Variants in EYA2 observed in about 807,000 individuals in gnomAD.
EYA2 encodes the protein protein phosphatase EYA2.
EYA2 carries 31 observed loss-of-function variants against 69.2 expected under a neutral mutation model. The observed-to-expected ratio is 0.45, with a 90% CI of 0.34 to 0.60. The LOEUF (loss-of-function observed/expected upper bound fraction) is 0.60, where lower values mean the gene tolerates loss of function less well. EYA2 is among the 20% of genes least tolerant of loss of function. EYA2 has a pLI of 0.02. For synonymous variants in EYA2, 257 were observed against 279.4 expected, an observed-to-expected ratio of 0.92 and a Z score of 0.80; for missense variants, 622 against 701.2, an observed-to-expected ratio of 0.89 and a Z score of 1.28.
chr20:47,074,140 T>G lies in EYA2; in HGVS notation c.484-18T>G. 6.3e-7 allele frequency: 1 copy of G among 1,580,514 alleles called. No homozygotes were observed. The highest frequency in any genetic ancestry group is 8.6e-7 in the Non-Finnish European group (1 of 1,158,126). On this transcript the variant is annotated intron_variant, in intron 6 of 15. Coordinates refer to ENST00000327619, the MANE Select transcript of EYA2 (RefSeq NM_005244.5). ...AGGCTTCCTCACATATGTCCTTGGT[T>G]TGTTTTTCTCTTCCCAGGACTATCC...
intron 1 of EYA2, among the ~76,000 whole-genome samples, chr20:46,896,584 T>C (rs888940653): frequency 6.6e-6 from 1 of 152,216 alleles, no homozygotes. Context: ...TTAGACACTC[T>C]CACACTTGGG....
At chr20:47,153,949 A>G (rs1233739350) in intron 10 of EYA2, among the ~76,000 whole-genome samples, 4 of 152,020 alleles carry the variant, frequency 2.6e-5, no homozygotes, top group African/African-American at 7.2e-5. Context: ...CACTCACTAC[A>G]TACCAGGCAC....
rs1485670550 is a variant in EYA2 at position 47,003,760 on chromosome 20, G to A, written c.156-1182G>A. On this transcript the variant is annotated intron_variant, in intron 3 of 15. Coordinates refer to ENST00000327619, the MANE Select transcript of EYA2 (RefSeq NM_005244.5). ...GACTTTATTTATTGCTATCTGCAGG[G>A]CTGGATGAATCCTAGTCCTGTGAGG... is the stretch of plus-strand genomic sequence containing the variant. Among the ~76,000 whole-genome samples the A allele has an allele frequency of 2.0e-5, 3 of 152,314 alleles. No homozygotes were observed. The East Asian group carries it at 5.8e-4, about 29-fold the overall frequency.
At chr20:46,923,711 G>T (rs1402437819) in intron 1 of EYA2, among the ~76,000 whole-genome samples, 4 of 151,458 alleles carry the variant, frequency 2.6e-5, no homozygotes, top group Non-Finnish European at 4.4e-5. Context: ...TGTGTGTGTG[G>T]AGAGAGAGAG....
intron 9 of EYA2, among the ~76,000 whole-genome samples, chr20:47,114,118 G>T (rs1173890055): frequency 2.0e-5 from 3 of 152,192 alleles, no homozygotes; most frequent in Admixed American, 1.3e-4. Context: ...TAAGACACCT[G>T]TTGGTGTGAT....
Position 47,074,105 on chromosome 20 carries a change from GA to G in EYA2, c.484-52del, listed in dbSNP as rs149082669. ...GAGTGGCCAGGCTGACCAACGGCCC[GA>G]GCCCAGAAAGGCTTCCTCACATATG... On this transcript the variant is annotated intron_variant, in intron 6 of 15. Coordinates refer to ENST00000327619, the MANE Select transcript of EYA2 (RefSeq NM_005244.5). 5.5e-4 allele frequency: 816 copies of G among 1,493,262 alleles called. 8 individuals carry two copies. The African/African-American group carries it at 0.01, about 19-fold the overall frequency. 92.5% of individuals were successfully genotyped at this position (1,493,262 alleles called of 1,614,324 possible). A position where few individuals can be genotyped will look rare whatever the true frequency, so the allele number is the denominator to read the frequency against.
intron 9 of EYA2, among the ~76,000 whole-genome samples, chr20:47,117,861 T>C (rs2032945566): frequency 6.6e-6 from 1 of 152,256 alleles, no homozygotes; most frequent in Non-Finnish European, 1.5e-5. Context: ...CTTTCCATCC[T>C]GTGACAAACA....
chr20:46,944,932 C>T (rs865948332), intron 1 of EYA2, among the ~76,000 whole-genome samples: 17 of 152,022 alleles, frequency 1.1e-4, no homozygotes, highest in Non-Finnish European at 7.4e-5. Context: ...GGCAAAACCC[C>T]GTCTCTACAA....
At chr20:47,010,676 CATAT>C (rs10626121) in intron 4 of EYA2, among the ~76,000 whole-genome samples, 4,892 of 148,920 alleles carry the variant, frequency 0.033, 206 homozygotes, top group African/African-American at 0.1. Flanking sequence ...TTTATATCTA[CATAT>C]ATATATGTGT....
chr20:47,013,733 T>TG (rs1983229272), intron 4 of EYA2, among the ~76,000 whole-genome samples: 2 of 152,110 alleles, frequency 1.3e-5, no homozygotes, highest in Non-Finnish European at 2.9e-5. Flanking sequence ...TGCAGGGCCT[T>TG]GGGGGTCACT....
chr20:47,057,734 C>T (rs143690226), intron 5 of EYA2, among the ~76,000 whole-genome samples: 35 of 152,322 alleles, frequency 2.3e-4, no homozygotes, highest in African/African-American at 7.0e-4. Context: ...CATGAGGCCT[C>T]CTTTGCACTG....
chr20:47,158,567 G>A (rs2034002861), intron 10 of EYA2, among the ~76,000 whole-genome samples: 1 of 151,704 alleles, frequency 6.6e-6, no homozygotes, highest in Non-Finnish European at 1.5e-5. Flanking sequence ...CTGAGCCCAG[G>A]AACGATGACA....
At chr20:46,976,247 TAGCCCTAGCTA>T (rs1418792639) in intron 1 of EYA2, among the ~76,000 whole-genome samples, 3 of 152,104 alleles carry the variant, frequency 2.0e-5, no homozygotes, top group Non-Finnish European at 4.4e-5. Context: ...TGCACACCTG[TAGCCCTAGCTA>T]CTCAGGAGGC....
chr20:46,969,710 C>T (rs967580943), intron 1 of EYA2, among the ~76,000 whole-genome samples: 4 of 152,144 alleles, frequency 2.6e-5, no homozygotes, highest in Non-Finnish European at 4.4e-5. Context: ...AGTTAATTCC[C>T]TTGGCTTGGT....
chr20:47,060,675 C>T (rs2030838536), intron 5 of EYA2, among the ~76,000 whole-genome samples: 1 of 152,228 alleles, frequency 6.6e-6, no homozygotes, highest in Non-Finnish European at 1.5e-5. Flanking sequence ...ACAGTCCCCA[C>T]CATCCCCTGT....
chr20:46,903,868 G>C (rs1393013376), intron 1 of EYA2, among the ~76,000 whole-genome samples: 5 of 152,110 alleles, frequency 3.3e-5, no homozygotes, highest in Admixed American at 3.3e-4. Context: ...TTTTCATAGT[G>C]CCATTGTGAG....
At position 47,031,368 on chromosome 20, in the gene EYA2, T is replaced by C. The variant is rs148065412; in HGVS notation, c.415+15071T>C. 2.5e-3 allele frequency among the ~76,000 whole-genome samples: 375 copies of C among 152,210 alleles called. 1 individual carries two copies. Among genetic ancestry groups the C allele is most frequent in the Middle Eastern group, 0.01 (3 of 294 alleles). ...TCTAAAACAGGGCAGGTGATCTGGT[T>C]TGCATCTCAGAAAGACCAGTTGACT... On this transcript the variant is annotated intron_variant, in intron 5 of 15. Coordinates refer to ENST00000327619, the MANE Select transcript of EYA2 (RefSeq NM_005244.5).
At chr20:47,156,130 A>ACACACAT (rs2033939427) in intron 10 of EYA2, among the ~76,000 whole-genome samples, 2 of 4,422 alleles carry the variant, frequency 4.5e-4, no homozygotes, top group Non-Finnish European at 7.9e-4. Context: ...ACACACACAT[A>ACACACAT]TATATATATA....
intron 1 of EYA2, among the ~76,000 whole-genome samples, chr20:46,959,768 C>G (rs1979359274): frequency 6.6e-6 from 1 of 152,218 alleles, no homozygotes; most frequent in South Asian, 2.1e-4. Context: ...TGTCCTGCAC[C>G]TGGCTGGCCA....
Sources: allele counts gnomAD v4.1 joint callset (sites outside exome capture counted in the v4.1 genomes callset), GRCh38; gene constraint gnomAD v4.1.1; transcripts MANE v1.5; gene names NCBI Gene and HGNC (gene_info 2026-07-23, HGNC 2026-07-21).